Variants in ENTREP2 observed in about 807,000 individuals in gnomAD.
ENTREP2 encodes the protein protein ENTREP2.
At chr15:29,427,522 C>G in the ENTREP2 span, among the ~76,000 whole-genome samples, 2 of 152,128 alleles carry the variant, frequency 1.3e-5, no homozygotes, top group South Asian at 2.1e-4. Context: ...AGGGGAGAGT[C>G]CCTTTCCTTG....
the ENTREP2 span, among the ~76,000 whole-genome samples, chr15:29,442,745 G>T: frequency 4.6e-5 from 7 of 152,200 alleles, no homozygotes; most frequent in Non-Finnish European, 8.8e-5. Context: ...CAGCCTCAGC[G>T]ATGGGGCTCT....
the ENTREP2 span, among the ~76,000 whole-genome samples, chr15:29,603,979 T>C: frequency 1.3e-5 from 2 of 152,020 alleles, no homozygotes; most frequent in African/African-American, 4.8e-5. Context: ...TTTGACAACA[T>C]ATGAATTAAA....
chr15:29,269,029 T>C, the ENTREP2 span: 1 of 1,614,148 alleles, frequency 6.2e-7, no homozygotes, highest in Non-Finnish European at 8.5e-7. Flanking sequence ...TCGCACAAAG[T>C]CCTCAGTAAT....
chr15:29,561,454 G>A, the ENTREP2 span, among the ~76,000 whole-genome samples: 3 of 152,160 alleles, frequency 2.0e-5, no homozygotes, highest in East Asian at 5.8e-4. Context: ...TTGGGAGGCT[G>A]AGGCAGGCCG....
the ENTREP2 span, chr15:29,269,723 C>G: frequency 3.3e-6 from 5 of 1,500,362 alleles, no homozygotes; most frequent in Non-Finnish European, 4.4e-6. Context: ...GCGGCAGGTG[C>G]CGGCGCACAC....
the ENTREP2 span, among the ~76,000 whole-genome samples, chr15:29,359,562 A>C: frequency 1.3e-5 from 2 of 152,148 alleles, no homozygotes; most frequent in African/African-American, 4.8e-5. Flanking sequence ...AGGGGCATGC[A>C]CCACCACACC....
the ENTREP2 span, among the ~76,000 whole-genome samples, chr15:29,653,679 C>T: frequency 5.5e-4 from 84 of 152,360 alleles, no homozygotes; most frequent in South Asian, 1.4e-3. Context: ...GCCTCCCCAG[C>T]CATGCTGAAC....
chr15:29,355,753 A>AAT, the ENTREP2 span, among the ~76,000 whole-genome samples: 1 of 152,150 alleles, frequency 6.6e-6, no homozygotes, highest in Non-Finnish European at 1.5e-5. Flanking sequence ...CACTGTGGGA[A>AAT]ATATATATCA....
chr15:29,380,768 A>G, the ENTREP2 span, among the ~76,000 whole-genome samples: 44,309 of 151,562 alleles, frequency 0.29, 6,963 homozygotes, highest in African/African-American at 0.41. Context: ...GATAACATAT[A>G]TTTTGCTTGT....
chr15:29,372,878 C>CA, the ENTREP2 span, among the ~76,000 whole-genome samples: 6 of 150,794 alleles, frequency 4.0e-5, no homozygotes, highest in East Asian at 1.9e-4. Flanking sequence ...CTGAATCGTT[C>CA]AAAAAAAATA....
chr15:29,258,286 G>A, the ENTREP2 span, among the ~76,000 whole-genome samples: 1 of 151,190 alleles, frequency 6.6e-6, no homozygotes, highest in Non-Finnish European at 1.5e-5. Flanking sequence ...TAGAAGTTAC[G>A]GCAGTCCCAT....
the ENTREP2 span, among the ~76,000 whole-genome samples, chr15:29,368,399 TAC>T: frequency 1.3e-5 from 2 of 149,854 alleles, no homozygotes; most frequent in Non-Finnish European, 1.5e-5. Context: ...TATACACACA[TAC>T]ACACACACAC....
chr15:29,431,084 T>C, the ENTREP2 span, among the ~76,000 whole-genome samples: 1 of 152,144 alleles, frequency 6.6e-6, no homozygotes, highest in Admixed American at 6.5e-5. Context: ...TTTTCAAGCT[T>C]TACATCTGGG....
At chr15:29,388,692 T>C in the ENTREP2 span, among the ~76,000 whole-genome samples, 2 of 152,086 alleles carry the variant, frequency 1.3e-5, no homozygotes, top group African/African-American at 2.4e-5. Flanking sequence ...CTATTCACAA[T>C]AGCAAAGACT....
the ENTREP2 span, among the ~76,000 whole-genome samples, chr15:29,238,422 G>A: frequency 6.6e-6 from 1 of 152,074 alleles, no homozygotes; most frequent in Non-Finnish European, 1.5e-5. Flanking sequence ...CACAAGGTCA[G>A]AAGATTGAGA....
chr15:29,480,090 A>G, the ENTREP2 span, among the ~76,000 whole-genome samples: 1 of 152,176 alleles, frequency 6.6e-6, no homozygotes, highest in Non-Finnish European at 1.5e-5. Context: ...ATAGTCCCAG[A>G]TAATACACCT....
At chr15:29,300,296 GTAGATGGA>G in the ENTREP2 span, among the ~76,000 whole-genome samples, 7 of 41,644 alleles carry the variant, frequency 1.7e-4, no homozygotes, top group Non-Finnish European at 3.0e-4. Flanking sequence ...CGGTAGGTGG[GTAGATGGA>G]TGGATGGATG....
the ENTREP2 span, among the ~76,000 whole-genome samples, chr15:29,423,587 A>T: frequency 3.5e-4 from 53 of 151,374 alleles, no homozygotes; most frequent in African/African-American, 1.3e-3. Context: ...GGAGATCGAG[A>T]CCATCCTGGC....
the ENTREP2 span, among the ~76,000 whole-genome samples, chr15:29,218,337 T>A: frequency 1.3e-5 from 2 of 152,098 alleles, no homozygotes; most frequent in African/African-American, 4.8e-5. Context: ...TTTGTCTTCA[T>A]ACCCCACGCT....
Sources: allele counts gnomAD v4.1 joint callset (sites outside exome capture counted in the v4.1 genomes callset), GRCh38; gene constraint gnomAD v4.1.1; transcripts MANE v1.5; gene names NCBI Gene and HGNC (gene_info 2026-07-23, HGNC 2026-07-21).